HNRNPF: variants seen among roughly 807,000 people sequenced by gnomAD.
The protein encoded by HNRNPF is heterogeneous nuclear ribonucleoprotein F, also known as HnRNP F protein.
HNRNPF carries 2 observed loss-of-function variants against 26.0 expected under a neutral mutation model. That is an observed-to-expected ratio of 0.08 (90% CI 0.03 to 0.24). The LOEUF (loss-of-function observed/expected upper bound fraction) is 0.24. Among genes scored for constraint, HNRNPF ranks in the 10% least tolerant of loss-of-function variants. The pLI is 1.00. For missense variants in HNRNPF, 299 were observed against 539.2 expected (o/e 0.55, Z 4.41); for synonymous variants, 234 against 211.5 (o/e 1.11, Z -0.92).
chr10:43,405,745 T>A (rs988666084), intron 1 of HNRNPF, among the ~76,000 whole-genome samples: 1 of 152,118 alleles, frequency 6.6e-6, no homozygotes, highest in Non-Finnish European at 1.5e-5. Context: ...AGCAGTATCA[T>A]GGTTAGGTTT....
chr10:43,390,352 G>GT (rs1416766157), intron 3 of HNRNPF, among the ~76,000 whole-genome samples: 2 of 152,186 alleles, frequency 1.3e-5, no homozygotes, highest in African/African-American at 4.8e-5. Context: ...CTCATGAAAA[G>GT]TATCTGAAGG....
At position 43,394,676 on chromosome 10, in the gene HNRNPF, G is replaced by C. The variant is rs764086684; in HGVS notation, c.-99C>G. ...CTTCAGTGGGAGACACTTCTGGATG[G>C]TAATGAAATGTCCTAAAAAAAAAAC... On this transcript the variant is annotated 5_prime_UTR_variant, in exon 3 of 4. Transcript: ENST00000682386. 2 of 152,000 alleles carry C rather than the reference G, an allele frequency of 1.3e-5. No individual in the cohort carries two copies. 9.4% of individuals were successfully genotyped at this position (152,000 alleles called of 1,614,324 possible). A position where few individuals can be genotyped will look rare whatever the true frequency, so the allele number is the denominator to read the frequency against.
chr10:43,406,519 A>AC (rs1256956848), intron 1 of HNRNPF, among the ~76,000 whole-genome samples: 3 of 151,932 alleles, frequency 2.0e-5, no homozygotes, highest in Non-Finnish European at 2.9e-5. Context: ...ACATAAGGAG[A>AC]CCCCATCTCT....
intron 2 of HNRNPF, among the ~76,000 whole-genome samples, chr10:43,395,787 C>A (rs905588160): frequency 3.3e-5 from 5 of 152,196 alleles, no homozygotes. Context: ...CAGACCAACA[C>A]CCTGAGGCGT....
chr10:43,386,982 G>A lies in HNRNPF; in HGVS notation c.903C>T (p.Thr301=), dbSNP rs151043426. The A allele has an allele frequency of 3.8e-3, 6,157 of 1,614,038 alleles. 26 individuals are homozygous for A. The highest frequency in any genetic ancestry group is 4.9e-3 in the Non-Finnish European group (5,737 of 1,180,012). Residue 301 remains threonine (T), a synonymous_variant, in exon 4 of 4, where the codon ACC becomes ACT. Transcript: ENST00000682386. The part of the protein sequence containing the change: ...VHMRGLPYKA[T]ENDIYNFFSP... The stretch of plus-strand genomic sequence containing the variant: ...AGAAGAAGTTGTAAATGTCGTTCTC[G>A]GTCGCTTTGTACGGCAGGCCCCTCA...
At chr10:43,397,707 C>A (rs1838602807) in intron 1 of HNRNPF, among the ~76,000 whole-genome samples, 1 of 152,180 alleles carries the variant, frequency 6.6e-6, no homozygotes, top group Admixed American at 6.5e-5. Flanking sequence ...ATTTTGTGGA[C>A]CTCTGAATCT....
At position 43,387,503 on chromosome 10, in the gene HNRNPF, C is replaced by A; in HGVS notation, c.382G>T (p.Val128Phe). Residue 128 changes from valine (V) to phenylalanine (F), a missense_variant, in exon 4 of 4, where the codon GTT becomes TTT. By Grantham distance (50) the Val-to-Phe change is conservative. Transcript: ENST00000682386. The surrounding 1 kb of genome is among the most constrained non-coding windows in gnomAD (Gnocchi z 6.0). ...LPFGCTKEEI[V>F]QFFSGLEIVP... ...ATTTCCAACCCTGAGAAGAACTGAA[C>A]AATTTCTTCCTTTGTGCATCCAAAT... is the stretch of plus-strand genomic sequence containing the variant. The A allele has an allele frequency of 6.2e-7, 1 of 1,614,220 alleles. No homozygotes were observed. The highest frequency in any genetic ancestry group is 8.5e-7 in the Non-Finnish European group (1 of 1,180,046).
chr10:43,397,903 A>T (rs1046075797), intron 1 of HNRNPF, among the ~76,000 whole-genome samples: 1 of 152,272 alleles, frequency 6.6e-6, no homozygotes, highest in Admixed American at 6.5e-5. Context: ...GATTACGTGG[A>T]AAGTGGAAAT....
At chr10:43,401,221 A>T (rs761342090) in intron 1 of HNRNPF, among the ~76,000 whole-genome samples, 19 of 152,218 alleles carry the variant, frequency 1.2e-4, no homozygotes, top group Admixed American at 2.6e-4. Flanking sequence ...TTCCATTACC[A>T]TCTATCAGGT....
At chr10:43,407,597 A>G (rs1338254846) in intron 1 of HNRNPF, 1 of 152,176 alleles carries the variant, frequency 6.6e-6, no homozygotes, top group Non-Finnish European at 1.5e-5. Flanking sequence ...CAAGTTTCCT[A>G]CGAGCAGGGC....
chr10:43,404,078 C>T (rs1036851226), intron 1 of HNRNPF, among the ~76,000 whole-genome samples: 3 of 151,958 alleles, frequency 2.0e-5, no homozygotes, highest in Non-Finnish European at 4.4e-5. Flanking sequence ...AGGTGGATCA[C>T]TTGAGGTCAG....
At chr10:43,403,757 G>A (rs138772148) in intron 1 of HNRNPF, among the ~76,000 whole-genome samples, 2,056 of 152,220 alleles carry the variant, frequency 0.014, 37 homozygotes, top group African/African-American at 0.046. Context: ...CCAGCACTTT[G>A]GGAGGCCGAG....
chr10:43,400,770 A>G (rs1248665045), intron 1 of HNRNPF, among the ~76,000 whole-genome samples: 4 of 152,230 alleles, frequency 2.6e-5, no homozygotes, highest in African/African-American at 7.2e-5. Context: ...AACGTGCCAA[A>G]TTCAATACAC....
In HNRNPF at chr10:43,387,877, A is replaced by C. The variant is rs1252599382; in HGVS notation, c.8T>G (p.Leu3Arg). MMLGPEGGEGFVV... is the reference protein window; with the variant it reads MMRGPEGGEGFVV... The stretch of plus-strand genomic sequence containing the variant: ...AAAGCCTTCACCTCCCTCAGGGCCC[A>C]GCATCATGGACACTTGTCAGGGTGG... Residue 3 changes from leucine to arginine, a missense_variant, in exon 4 of 4, where the codon CTG becomes CGG. Physicochemically the swap from Leu to Arg is moderately radical, Grantham distance 102. Transcript: ENST00000682386. This position sits in a 1 kb window ranked among gnomAD's most constrained non-coding sequence, Gnocchi z 6.0. 6.2e-6 allele frequency: 10 copies of C among 1,605,910 alleles called. No homozygotes were observed. Among genetic ancestry groups the C allele is most frequent in the Non-Finnish European group, 2.6e-6 (3 of 1,173,146 alleles).
At position 43,386,476 on chromosome 10, in the gene HNRNPF, T is replaced by C. The variant is rs1838027304; in HGVS notation, c.*161A>G. ...CTCATTATCACATGCTAGAAGAAAA[T>C]TTTGCATGAGAAAACACTGAAGAGG... is the stretch of plus-strand genomic sequence containing the variant. On this transcript the variant is annotated 3_prime_UTR_variant, in exon 4 of 4. Transcript: ENST00000682386. The C allele has an allele frequency of 1.5e-6, 1 of 647,984 alleles. No homozygotes were observed. Among genetic ancestry groups the C allele is most frequent in the East Asian group, 2.7e-5 (1 of 36,934 alleles). The allele number at this position is 647,984 out of a possible 1,614,324, so 40.1% of individuals were successfully genotyped here.
At position 43,391,712 on chromosome 10, in the gene HNRNPF, G is replaced by A. The variant is rs1588989892; in HGVS notation, c.-53+2918C>T. Reference sequence around the variant, plus strand: ...TAGTGGGCCCCTTACAGCGGACATCGTGAACAACAGCTCTGCTCTGGGTCC... The same window carrying A: ...TAGTGGGCCCCTTACAGCGGACATCATGAACAACAGCTCTGCTCTGGGTCC... On this transcript the variant is annotated intron_variant, in intron 3 of 3. Coordinates refer to ENST00000682386, the MANE Select transcript of HNRNPF (RefSeq NM_001098204.2). 3.3e-5 allele frequency among the ~76,000 whole-genome samples: 5 copies of A among 152,236 alleles called. No homozygotes were observed. In the South Asian group the frequency reaches 8.3e-4, roughly 25 times the overall value.
chr10:43,394,392 T>C (rs951689868), intron 3 of HNRNPF, among the ~76,000 whole-genome samples: 1 of 152,198 alleles, frequency 6.6e-6, no homozygotes, highest in African/African-American at 2.4e-5. Flanking sequence ...CCAAAACACA[T>C]GTGTACACTT....
intron 1 of HNRNPF, among the ~76,000 whole-genome samples, chr10:43,407,981 A>G (rs919819998): frequency 6.6e-6 from 1 of 152,176 alleles, no homozygotes; most frequent in African/African-American, 2.4e-5. Context: ...GCTGGAATGC[A>G]GTGGCACAAT....
chr10:43,390,889 G>A (rs186612897), intron 3 of HNRNPF, among the ~76,000 whole-genome samples: 7 of 151,982 alleles, frequency 4.6e-5, no homozygotes, highest in African/African-American at 1.5e-4. Flanking sequence ...CTGCATCCCT[G>A]GTCTCTGCCC....
Sources: allele counts gnomAD v4.1 joint callset (sites outside exome capture counted in the v4.1 genomes callset), GRCh38; gene constraint gnomAD v4.1.1; non-coding constraint Gnocchi (gnomAD v3.1); transcripts MANE v1.5; gene names NCBI Gene and HGNC (gene_info 2026-07-23, HGNC 2026-07-21).